Variants in SLC35F4 observed in about 807,000 individuals in gnomAD.
SLC35F4 encodes solute carrier family 35 member F4.
In SLC35F4, 24 loss-of-function variants were observed where a neutral mutation model predicts 44.2. The observed-to-expected ratio is 0.54, with a 90% CI of 0.39 to 0.76. The LOEUF (loss-of-function observed/expected upper bound fraction) is 0.76, where lower values mean the gene tolerates loss of function less well. Ranked by LOEUF, SLC35F4 falls within the 30% of genes least tolerant of loss-of-function variation. The probability of loss-of-function intolerance (pLI) is 0.00; values close to 1 mark genes in which losing one functional copy is unlikely to be tolerated. For missense variants in SLC35F4, 562 were observed against 586.1 expected, an observed-to-expected ratio of 0.96 and a Z score of 0.42; for synonymous variants, 238 against 223.6, an observed-to-expected ratio of 1.06 and a Z score of -0.57.
intron 1 of SLC35F4, among the ~76,000 whole-genome samples, chr14:57,620,883 T>G (rs1367960252): frequency 6.6e-6 from 1 of 152,104 alleles, no homozygotes; most frequent in Admixed American, 6.5e-5. Flanking sequence ...ATTGTCCCTG[T>G]TTGCAGATGT....
intron 1 of SLC35F4, among the ~76,000 whole-genome samples, chr14:57,659,296 C>T (rs186559997): frequency 6.6e-6 from 1 of 152,150 alleles, no homozygotes; most frequent in Admixed American, 6.5e-5. Context: ...GAAAGGAAAG[C>T]AGGCTGAGTC....
intron 1 of SLC35F4, among the ~76,000 whole-genome samples, chr14:57,836,256 A>G (rs972131695): frequency 6.6e-6 from 1 of 152,074 alleles, no homozygotes; most frequent in African/African-American, 2.4e-5. Context: ...ATATTAATCA[A>G]CTTATTTAAC....
At chr14:57,588,073 C>T (rs566382179) in intron 3 of SLC35F4, among the ~76,000 whole-genome samples, 1 of 152,156 alleles carries the variant, frequency 6.6e-6, no homozygotes, top group South Asian at 2.1e-4. Context: ...GTAACCCAAG[C>T]TACTCAAGAG....
intron 1 of SLC35F4, among the ~76,000 whole-genome samples, chr14:57,619,085 C>A (rs942234044): frequency 2.0e-5 from 3 of 152,132 alleles, no homozygotes; most frequent in African/African-American, 7.2e-5. Context: ...GGACAGAGAA[C>A]CTAGGGAAAG....
chr14:57,819,175 C>A (rs918626653), intron 1 of SLC35F4, among the ~76,000 whole-genome samples: 1 of 152,008 alleles, frequency 6.6e-6, no homozygotes, highest in African/African-American at 2.4e-5. Context: ...AGAAGATTGA[C>A]CAAGTTGTGA....
intron 1 of SLC35F4, among the ~76,000 whole-genome samples, chr14:57,677,009 C>T (rs770516297): frequency 1.2e-4 from 19 of 152,082 alleles, no homozygotes; most frequent in Non-Finnish European, 2.2e-4. Context: ...ATGAAACCAG[C>T]CTAAATGCCC....
chr14:57,700,920 G>GC (rs998652200), intron 1 of SLC35F4, among the ~76,000 whole-genome samples: 3 of 151,854 alleles, frequency 2.0e-5, no homozygotes, highest in African/African-American at 4.8e-5. Context: ...AAACAAAAAA[G>GC]CCCCCCAAAA....
At chr14:57,717,898 TA>T (rs2140424891) in intron 1 of SLC35F4, among the ~76,000 whole-genome samples, 1 of 152,318 alleles carries the variant, frequency 6.6e-6, no homozygotes, top group Admixed American at 6.5e-5. Flanking sequence ...AATGTACAAT[TA>T]AATTGTTATT....
intron 1 of SLC35F4, among the ~76,000 whole-genome samples, chr14:57,951,481 G>A (rs930008479): frequency 7.2e-5 from 11 of 152,132 alleles, no homozygotes; most frequent in African/African-American, 2.4e-4. Context: ...GAGCCAAGTG[G>A]TCTAGCTGAG....
At chr14:57,681,066 C>A (rs967841993) in intron 1 of SLC35F4, among the ~76,000 whole-genome samples, 1 of 151,962 alleles carries the variant, frequency 6.6e-6, no homozygotes, top group Non-Finnish European at 1.5e-5. Flanking sequence ...ATAGCCAAGA[C>A]AATCCTAAGC....
intron 1 of SLC35F4, among the ~76,000 whole-genome samples, chr14:57,823,739 T>C (rs1182807769): frequency 6.6e-6 from 1 of 152,242 alleles, no homozygotes; most frequent in Non-Finnish European, 1.5e-5. Flanking sequence ...CACAGAATAC[T>C]GTTAAAGTAT....
intron 1 of SLC35F4, among the ~76,000 whole-genome samples, chr14:57,701,649 C>T (rs549101425): frequency 1.3e-5 from 2 of 152,184 alleles, no homozygotes; most frequent in East Asian, 1.9e-4. Context: ...ACCACTGTTG[C>T]GTATGTGGTC....
At chr14:57,921,730 C>T (rs867060844) in intron 1 of SLC35F4, among the ~76,000 whole-genome samples, 2 of 152,094 alleles carry the variant, frequency 1.3e-5, no homozygotes, top group Non-Finnish European at 2.9e-5. Context: ...TCAAATTTCC[C>T]TTTTTTATAA....
intron 1 of SLC35F4, among the ~76,000 whole-genome samples, chr14:57,805,461 C>A (rs1238039304): frequency 1.3e-5 from 2 of 152,164 alleles, no homozygotes; most frequent in Non-Finnish European, 2.9e-5. Flanking sequence ...AAGATCATGT[C>A]CTTTGCTGGG....
At chr14:57,901,957 C>T (rs916736646) in intron 1 of SLC35F4, among the ~76,000 whole-genome samples, 1 of 152,106 alleles carries the variant, frequency 6.6e-6, no homozygotes, top group Non-Finnish European at 1.5e-5. Flanking sequence ...CTCATGAAAC[C>T]TCTGAGAGAC....
At chr14:57,585,097 A>G (rs541330135) in intron 3 of SLC35F4, among the ~76,000 whole-genome samples, 9 of 152,296 alleles carry the variant, frequency 5.9e-5, no homozygotes, top group African/African-American at 2.2e-4. Flanking sequence ...TTGCTTTTTA[A>G]TTCTTTAATT....
At chr14:57,795,401 A>T (rs922900043) in intron 1 of SLC35F4, among the ~76,000 whole-genome samples, 2 of 152,220 alleles carry the variant, frequency 1.3e-5, no homozygotes, top group African/African-American at 4.8e-5. Flanking sequence ...CCTAATGTGC[A>T]TAAGGAAGGA....
At chr14:57,620,497 T>C (rs1595072682) in intron 1 of SLC35F4, among the ~76,000 whole-genome samples, 1 of 152,124 alleles carries the variant, frequency 6.6e-6, no homozygotes, top group South Asian at 2.1e-4. Context: ...TGCTGAGAGA[T>C]TCTGTCACCA....
chr14:57,866,863 G>T (rs556100290), upstream of SLC35F4, among the ~76,000 whole-genome samples: 2 of 151,888 alleles, frequency 1.3e-5, no homozygotes, highest in East Asian at 3.9e-4. Context: ...TCAGGTGTGG[G>T]ACTCTTCTGC....
Sources: allele counts gnomAD v4.1 joint callset (sites outside exome capture counted in the v4.1 genomes callset), GRCh38; gene constraint gnomAD v4.1.1; transcripts MANE v1.5; gene names NCBI Gene and HGNC (gene_info 2026-07-23, HGNC 2026-07-21).